PIP4K2A: variants seen among roughly 807,000 people sequenced by gnomAD.
PIP4K2A encodes phosphatidylinositol-5-phosphate 4-kinase type 2 alpha.
PIP4K2A carries 14 observed loss-of-function variants against 42.9 expected under a neutral mutation model. The observed-to-expected ratio is 0.33, with a 90% CI of 0.22 to 0.51. The LOEUF is 0.51. Among genes scored for constraint, PIP4K2A ranks in the 20% least tolerant of loss-of-function variants. The pLI, the probability that PIP4K2A is intolerant of heterozygous loss-of-function variation, is 0.97. For missense variants in PIP4K2A, 434 were observed against 519.8 expected, an observed-to-expected ratio of 0.83 and a Z score of 1.61; for synonymous variants, 192 against 192.2, an observed-to-expected ratio of 1.00 and a Z score of 0.01.
intron 1 of PIP4K2A, chr10:22,713,938 G>A (rs143036955): frequency 6.1e-4 from 220 of 360,106 alleles, no homozygotes; most frequent in African/African-American, 4.4e-3. Flanking sequence ...AGACTCACAT[G>A]CACACGGGAC....
intron 4 of PIP4K2A, among the ~76,000 whole-genome samples, chr10:22,575,665 C>T (rs1384434860): frequency 2.6e-5 from 4 of 152,030 alleles, no homozygotes; most frequent in African/African-American, 4.8e-5. Flanking sequence ...CTTTGCCAGG[C>T]GCGGTGGCTC....
Position 22,542,021 on chromosome 10 carries a change from G to A in PIP4K2A, c.819C>T (p.Asp273=), listed in dbSNP as rs1836132480. 1 of 1,611,922 alleles carries A rather than the reference G, an allele frequency of 6.2e-7. No homozygotes were observed. The change falls in exon 8 of 10, where the codon GAC becomes GAT. Residue 273 remains aspartate (D), a synonymous_variant. Coordinates refer to ENST00000376573, the MANE Select transcript of PIP4K2A (RefSeq NM_005028.5). ...VEFLAQLKLM[D]YSLLVGIHDV... Reference sequence around the variant, plus strand: ...CATGAATTCCCACCAGCAGACTGTAGTCCATGAGCTTCAGCTGGGCCAGAA... The same window carrying A: ...CATGAATTCCCACCAGCAGACTGTAATCCATGAGCTTCAGCTGGGCCAGAA...
intron 6 of PIP4K2A, among the ~76,000 whole-genome samples, chr10:22,565,714 C>A (rs906204172): frequency 6.6e-6 from 1 of 152,134 alleles, no homozygotes; most frequent in Non-Finnish European, 1.5e-5. Context: ...GTGAGCCGGG[C>A]GGAACAGAGC....
Position 22,536,320 on chromosome 10 carries a change from C to T in PIP4K2A, c.*881G>A. ...GGTAAGCTTTACTTTTATTTTGTAGCATTAATTCCTATATTGCAACGTAAG... is the reference window on the plus strand; with the variant it reads ...GGTAAGCTTTACTTTTATTTTGTAGTATTAATTCCTATATTGCAACGTAAG... On this transcript the variant is annotated 3_prime_UTR_variant, in exon 10 of 10. Transcript: ENST00000376573. 1 of 388,648 alleles carries T rather than the reference C, an allele frequency of 2.6e-6. No individual in the cohort carries two copies. Among genetic ancestry groups the T allele is most frequent in the Non-Finnish European group, 4.5e-6 (1 of 220,752 alleles). 24.1% of individuals were successfully genotyped at this position (388,648 alleles called of 1,614,324 possible).
At chr10:22,690,573 G>A (rs1384282697) in intron 1 of PIP4K2A, among the ~76,000 whole-genome samples, 1 of 152,132 alleles carries the variant, frequency 6.6e-6, no homozygotes, top group Non-Finnish European at 1.5e-5. Context: ...CTTTCAAGAG[G>A]AGATATGTGC....
Position 22,541,916 on chromosome 10 carries a change from G to A in PIP4K2A, c.924C>T (p.His308=). ...GEEEGESDGT[H]PVGTPPDSPG... ...GGCTATCTGGGGGGGTTCCCACCGG[G>A]TGGGTGCCATCGCTCTCGCCCTCCT... Residue 308 remains histidine, a synonymous_variant, in exon 8 of 10, where the codon CAC becomes CAT. Coordinates refer to ENST00000376573, the MANE Select transcript of PIP4K2A (RefSeq NM_005028.5). 1.9e-6 allele frequency: 3 copies of A among 1,614,046 alleles called. No homozygotes were observed. Among genetic ancestry groups the A allele is most frequent in the South Asian group, 1.1e-5 (1 of 91,076 alleles).
rs193136558 is a variant in PIP4K2A, at chr10:22,701,529, C to T, written c.144+12654G>A. On this transcript the variant is annotated intron_variant, in intron 1 of 9. Coordinates refer to ENST00000376573, the MANE Select transcript of PIP4K2A (RefSeq NM_005028.5). ...GCATTCTTCCTTCTTGCAGTCCCAC[C>T]TCCTGTCCCACTGACTCCCCTCACA... Among the ~76,000 whole-genome samples, 30 of 152,292 alleles carry T rather than the reference C, an allele frequency of 2.0e-4. No individual in the cohort carries two copies. The East Asian group carries it at 5.6e-3, about 28-fold the overall frequency.
At chr10:22,651,537 T>C (rs574565481) in intron 1 of PIP4K2A, among the ~76,000 whole-genome samples, 1 of 152,318 alleles carries the variant, frequency 6.6e-6, no homozygotes, top group African/African-American at 2.4e-5. Flanking sequence ...TGGCCAGCTC[T>C]CAGCTTAGAT....
chr10:22,706,473 T>C (rs894180944), intron 1 of PIP4K2A, among the ~76,000 whole-genome samples: 1 of 152,204 alleles, frequency 6.6e-6, no homozygotes, highest in East Asian at 1.9e-4. Flanking sequence ...AACTGCCTCA[T>C]GTCTAAGCCC....
chr10:22,640,931 C>A (rs1838772080), intron 1 of PIP4K2A, among the ~76,000 whole-genome samples: 1 of 151,846 alleles, frequency 6.6e-6, no homozygotes. Context: ...ATAAACAGTT[C>A]TAAGAACTGA....
chr10:22,710,688 C>A (rs899132015), intron 1 of PIP4K2A, among the ~76,000 whole-genome samples: 29 of 152,198 alleles, frequency 1.9e-4, no homozygotes, highest in Non-Finnish European at 4.4e-5. Flanking sequence ...ATAGGCCCCC[C>A]AAACCCCTCA....
intron 1 of PIP4K2A, among the ~76,000 whole-genome samples, chr10:22,648,186 C>A (rs1419669477): frequency 6.6e-6 from 1 of 151,990 alleles, no homozygotes; most frequent in Non-Finnish European, 1.5e-5. Context: ...TTCTTTCCTG[C>A]AAAGGTTGTA....
chr10:22,692,426 C>T (rs1335084704), intron 1 of PIP4K2A, among the ~76,000 whole-genome samples: 1 of 152,050 alleles, frequency 6.6e-6, no homozygotes, highest in Non-Finnish European at 1.5e-5. Flanking sequence ...ACTACTGGTC[C>T]ATCTGTGGAG....
At chr10:22,655,545 C>G (rs1839083422) in intron 1 of PIP4K2A, among the ~76,000 whole-genome samples, 1 of 152,208 alleles carries the variant, frequency 6.6e-6, no homozygotes, top group African/African-American at 2.4e-5. Context: ...ACAGAAACAA[C>G]CACATATCTT....
intron 1 of PIP4K2A, among the ~76,000 whole-genome samples, chr10:22,612,552 G>A (rs777805785): frequency 2.0e-5 from 3 of 152,234 alleles, no homozygotes; most frequent in Non-Finnish European, 4.4e-5. Context: ...GGAAGCGGCT[G>A]CTGTAGAATT....
rs180954389 is a variant in PIP4K2A, at chr10:22,603,542, C to T, written c.339+4385G>A. 3.4e-3 allele frequency among the ~76,000 whole-genome samples: 516 copies of T among 152,122 alleles called. 4 individuals carry two copies. Among genetic ancestry groups the T allele is most frequent in the African/African-American group, 0.012 (486 of 41,520 alleles). On this transcript the variant is annotated intron_variant, in intron 3 of 9. Transcript: ENST00000376573. The stretch of plus-strand genomic sequence containing the variant: ...ATGAAGAACATTACAAATCAAGATG[C>T]TGGGTTTCTGTAAATCTCGTTAGCA...
intron 1 of PIP4K2A, among the ~76,000 whole-genome samples, chr10:22,645,795 G>A (rs1838867880): frequency 6.6e-6 from 1 of 151,752 alleles, no homozygotes. Context: ...GGACCTCCTG[G>A]ACTCAGTTGA....
At chr10:22,554,283 CTTTT>C (rs1185051248) in intron 6 of PIP4K2A, among the ~76,000 whole-genome samples, 1 of 152,050 alleles carries the variant, frequency 6.6e-6, no homozygotes, top group African/African-American at 2.4e-5. Context: ...TTAGAAACAT[CTTTT>C]TTTTAAATGT....
chr10:22,590,308 G>C (rs1228446389), intron 4 of PIP4K2A, among the ~76,000 whole-genome samples: 1 of 152,236 alleles, frequency 6.6e-6, no homozygotes, highest in African/African-American at 2.4e-5. Flanking sequence ...CACCAGTTGT[G>C]AAGATGATTC....
Sources: allele counts gnomAD v4.1 joint callset (sites outside exome capture counted in the v4.1 genomes callset), GRCh38; gene constraint gnomAD v4.1.1; transcripts MANE v1.5; gene names NCBI Gene and HGNC (gene_info 2026-07-23, HGNC 2026-07-21).